Variants in KLRC3 observed in about 807,000 individuals in gnomAD.
KLRC3 encodes NKG2-E type II integral membrane protein.
In KLRC3, 16 loss-of-function variants were observed where a neutral mutation model predicts 23.6. The observed-to-expected ratio is 0.68, with a 90% confidence interval of 0.46 to 1.03. The LOEUF is 1.03. Among genes scored for constraint, KLRC3 ranks in the 50% least tolerant of loss-of-function variants. The probability of loss-of-function intolerance (pLI) is 0.00; values close to 1 mark genes in which losing one functional copy is unlikely to be tolerated. For missense variants in KLRC3, 209 were observed against 232.2 expected, an observed-to-expected ratio of 0.90 and a Z score of 0.65; for synonymous variants, 70 against 71.8, an observed-to-expected ratio of 0.98 and a Z score of 0.13.
In KLRC3 at chr12:10,412,586, C is replaced by T; in HGVS notation, c.709G>A (p.Val237Ile). Residue 237 changes from valine to isoleucine, a missense_variant, in exon 7 of 7, where the codon GTC becomes ATC. Transcript: ENST00000396439. ...RRGFIMLTRL[V>I]LNS The stretch of plus-strand genomic sequence containing the variant: ...ATTTCTTGAGCTCAGGAGTTCAAGA[C>T]CAGCCTGGTCAACATGATGAAACCC... 1.4e-6 allele frequency: 1 copy of T among 701,352 alleles called. No homozygotes were observed. The highest frequency in any genetic ancestry group is 2.6e-6 in the Non-Finnish European group (1 of 384,586). 43.4% of individuals were successfully genotyped at this position (701,352 alleles called of 1,614,324 possible). A position where few individuals can be genotyped will look rare whatever the true frequency, so the allele number is the denominator to read the frequency against.
chr12:10,412,366 A>T lies in KLRC3; in HGVS notation c.*206T>A. On this transcript the variant is annotated 3_prime_UTR_variant, in exon 7 of 7. Coordinates refer to ENST00000396439, the MANE Select transcript of KLRC3 (RefSeq NM_002261.3). Reference sequence around the variant, plus strand: ...CATAACGGTCTGCATTTTAATATTAATATTTGTTGTAAATGACTAATGCTT... The same window carrying T: ...CATAACGGTCTGCATTTTAATATTATTATTTGTTGTAAATGACTAATGCTT... 1.7e-6 allele frequency: 1 copy of T among 572,946 alleles called. No individual in the cohort carries two copies. Among genetic ancestry groups the T allele is most frequent in the Non-Finnish European group, 3.1e-6 (1 of 326,094 alleles). 35.5% of individuals were successfully genotyped at this position (572,946 alleles called of 1,614,324 possible).
chr12:10,414,109 A>T (rs1360170072), intron 6 of KLRC3, among the ~76,000 whole-genome samples: 1 of 152,212 alleles, frequency 6.6e-6, no homozygotes, highest in East Asian at 1.9e-4. Flanking sequence ...GTGAACATAG[A>T]TGAAGAAACA....
chr12:10,418,666 A>G (rs1191963602), intron 3 of KLRC3, among the ~76,000 whole-genome samples, 168 bp from the exon 4 acceptor site: 1 of 152,216 alleles, frequency 6.6e-6, no homozygotes, highest in Non-Finnish European at 1.5e-5. Context: ...ACACACATAC[A>G]CAGAAAAGGG....
rs1459467337 is a variant in KLRC3 at position 10,414,517 on chromosome 12, G to GA, written c.678+1186dup. ...GTACTAGCCAGAGAAAATAAATGAA[G>GA]AAAAAATAAGTTGTGGCACATGGAT... On this transcript the variant is annotated intron_variant, in intron 6 of 6. Coordinates refer to ENST00000396439, the MANE Select transcript of KLRC3 (RefSeq NM_002261.3). 3.4e-5 allele frequency among the ~76,000 whole-genome samples: 5 copies of GA among 145,100 alleles called. No homozygotes were observed. In the South Asian group the frequency reaches 8.6e-4, roughly 25 times the overall value.
At chr12:10,418,172 G>C (rs1308166842) in intron 4 of KLRC3, among the ~76,000 whole-genome samples, 172 bp downstream of exon 4, 4 of 152,132 alleles carry the variant, frequency 2.6e-5, no homozygotes, top group Non-Finnish European at 5.9e-5. Context: ...GAAAATAAAA[G>C]TACATTAGCG....
rs1591600245 is a variant in KLRC3, at chr12:10,415,726, T to A, written c.656A>T (p.Gln219Leu). The A allele has an allele frequency of 6.2e-7, 1 of 1,613,666 alleles. No individual in the cohort carries two copies. Among genetic ancestry groups the A allele is most frequent in the African/African-American group, 1.3e-5 (1 of 74,920 alleles). Residue 219 changes from glutamine (Q) to leucine (L), a missense_variant, in exon 6 of 7, where the codon CAG becomes CTG. Transcript: ENST00000396439. ...CACAATGATTCTTGAAGATCCACAC[T>A]GGTCTGATATAAGTCCACGTACATG... ...MLHVRGLISD[Q>L]CGSSRIIRRG...
Position 10,416,885 on chromosome 12 carries a change from T to A in KLRC3, c.487-118A>T, listed in dbSNP as rs1863653236. 18 of 845,470 alleles carry A rather than the reference T, an allele frequency of 2.1e-5. No individual in the cohort carries two copies. In the East Asian group the frequency reaches 4.9e-4, roughly 23 times the overall value. The allele number at this position is 845,470 out of a possible 1,614,324, so 52.4% of individuals were successfully genotyped here. A position where few individuals can be genotyped will look rare whatever the true frequency, so the allele number is the denominator to read the frequency against. ...CAAAAACTTTCATAAATGTTTGAAT[T>A]TTTTATTTAAATGAACTCTTCAACG... On this transcript the variant is annotated intron_variant, in intron 4 of 6. Coordinates refer to ENST00000396439, the MANE Select transcript of KLRC3 (RefSeq NM_002261.3).
intron 5 of KLRC3, 82 bp downstream of exon 5, chr12:10,416,585 G>C: frequency 1.5e-5 from 21 of 1,447,980 alleles, no homozygotes; most frequent in Non-Finnish European, 2.0e-5. Flanking sequence ...TCATATCAAT[G>C]ATTCCACATA....
At chr12:10,417,657 C>CG (rs1863664628) in intron 4 of KLRC3, among the ~76,000 whole-genome samples, 1 of 15,290 alleles carries the variant, frequency 6.5e-5, no homozygotes, top group Non-Finnish European at 1.4e-4. Context: ...AGGAAAGGGA[C>CG]CCACGACTAC....
chr12:10,420,500 T>G lies in KLRC3; in HGVS notation c.51A>C (p.Pro17=). The change falls in exon 1 of 7, where the codon CCA becomes CCC. Residue 17 remains proline (P), a synonymous_variant. Transcript: ENST00000396439. ...TFSEVSLAQD[P]KWQQRKPKGN... ...CTTTAGGTTTCCTTTGCTGCCACTT[T>G]GGGTCCTGGGCCAGACTCACTTCTG... 6.2e-7 allele frequency: 1 copy of G among 1,610,352 alleles called. No individual in the cohort carries two copies. The highest frequency in any genetic ancestry group is 1.1e-5 in the South Asian group (1 of 90,748).
At position 10,412,515 on chromosome 12, in the gene KLRC3, G is replaced by A; in HGVS notation, c.*57C>T. ...TGGTACATGAGCACTCAGGGGCGGTGGCTTGTGTCAGTAATCCCAGCAACT... is the reference window on the plus strand; with the variant it reads ...TGGTACATGAGCACTCAGGGGCGGTAGCTTGTGTCAGTAATCCCAGCAACT... On this transcript the variant is annotated 3_prime_UTR_variant, in exon 7 of 7. Transcript: ENST00000396439. The A allele has an allele frequency of 1.4e-6, 1 of 701,980 alleles. No individual in the cohort carries two copies. The highest frequency in any genetic ancestry group is 2.6e-6 in the Non-Finnish European group (1 of 384,768). The allele number at this position is 701,980 out of a possible 1,614,324, so 43.5% of individuals were successfully genotyped here.
intron 3 of KLRC3, 86 bp from the exon 4 acceptor site, chr12:10,418,584 A>T: frequency 7.3e-7 from 1 of 1,371,830 alleles, no homozygotes; most frequent in Non-Finnish European, 1.0e-6. Flanking sequence ...GTATAAACAT[A>T]TATGTGCTTA....
chr12:10,418,441 T>G lies in KLRC3; in HGVS notation c.389A>C (p.Tyr130Ser), dbSNP rs755424073. 6.2e-7 allele frequency: 1 copy of G among 1,609,932 alleles called. No homozygotes were observed. Among genetic ancestry groups the G allele is most frequent in the Non-Finnish European group, 8.5e-7 (1 of 1,176,380 alleles). Reference sequence around the variant, plus strand: ...CCAAGTTCTTCTTTCCTTACCAATGTAATAACAACTGTTGGAATATGTAAT... The same window carrying G: ...CCAAGTTCTTCTTTCCTTACCAATGGAATAACAACTGTTGGAATATGTAAT... ...EWITYSNSCY[Y>S]IGKERRTWEE... The change falls in exon 4 of 7, where the codon TAC (tyrosine) becomes TCC (serine). Residue 130 changes from tyrosine (Y) to serine (S), a missense_variant. Coordinates refer to ENST00000396439, the MANE Select transcript of KLRC3 (RefSeq NM_002261.3).
At chr12:10,415,252 G>A (rs2741886) in intron 6 of KLRC3, among the ~76,000 whole-genome samples, 2,111 of 152,288 alleles carry the variant, frequency 0.014, 43 homozygotes, top group African/African-American at 0.048. Context: ...GATGTTTAGT[G>A]TATTCACAGA....
chr12:10,414,578 G>A (rs990051173), intron 6 of KLRC3, among the ~76,000 whole-genome samples: 23 of 136,336 alleles, frequency 1.7e-4, no homozygotes, highest in Middle Eastern at 3.8e-3. Context: ...GCAGGACACA[G>A]GCAGGGGAAC....
intron 3 of KLRC3, 145 bp from the exon 4 acceptor site, chr12:10,418,643 C>A: frequency 1.9e-6 from 2 of 1,030,828 alleles, no homozygotes; most frequent in Non-Finnish European, 2.8e-6. Context: ...TTTTTAATAA[C>A]TGAGTCAGTC....
Position 10,420,531 on chromosome 12 carries a change from G to T in KLRC3, c.20C>A (p.Thr7Asn). ...CTGGGCCAGACTCACTTCTGAGAAG[G>T]TTCCTCTTTGTTTACTCATCTCTGC... MSKQRGTFSEVSLAQDP... is the reference protein window; with the variant it reads MSKQRGNFSEVSLAQDP... Residue 7 changes from threonine to asparagine, a missense_variant, in exon 1 of 7, where the codon ACC becomes AAC. Coordinates refer to ENST00000396439, the MANE Select transcript of KLRC3 (RefSeq NM_002261.3). 1 of 1,602,464 alleles carries T rather than the reference G, an allele frequency of 6.2e-7. No individual in the cohort carries two copies. The highest frequency in any genetic ancestry group is 2.2e-5 in the East Asian group (1 of 44,634).
rs1275267585 is a variant in KLRC3 at position 10,412,520 on chromosome 12, G to A, written c.*52C>T. 2 of 702,128 alleles carry A rather than the reference G, an allele frequency of 2.8e-6. No homozygotes were observed. Among genetic ancestry groups the A allele is most frequent in the South Asian group, 1.5e-5 (1 of 67,574 alleles). The allele number at this position is 702,128 out of a possible 1,614,324, so 43.5% of individuals were successfully genotyped here. ...CATGAGCACTCAGGGGCGGTGGCTTGTGTCAGTAATCCCAGCAACTTGGGA... is the reference window on the plus strand; with the variant it reads ...CATGAGCACTCAGGGGCGGTGGCTTATGTCAGTAATCCCAGCAACTTGGGA... On this transcript the variant is annotated 3_prime_UTR_variant, in exon 7 of 7. Transcript: ENST00000396439.
chr12:10,416,613 C>A (rs1249572520), intron 5 of KLRC3, 54 bp downstream of exon 5: 7 of 1,530,768 alleles, frequency 4.6e-6, no homozygotes, highest in African/African-American at 1.4e-5. Context: ...TCATATTATT[C>A]TTCTGAATTT....
Sources: allele counts gnomAD v4.1 joint callset (sites outside exome capture counted in the v4.1 genomes callset), GRCh38; gene constraint gnomAD v4.1.1; transcripts MANE v1.5; gene names NCBI Gene and HGNC (gene_info 2026-07-23, HGNC 2026-07-21).